The following MAP4K3 variants were observed in gnomAD, a reference collection of about 807,000 sequenced individuals.
MAP4K3 encodes mitogen-activated protein kinase kinase kinase kinase 3, also known as MAPK/ERK kinase kinase kinase 3.
In MAP4K3, 94 loss-of-function variants were observed where a neutral mutation model predicts 143.5. That is an observed-to-expected ratio of 0.65 (90% CI 0.55 to 0.78). MAP4K3 has a LOEUF of 0.78. Ranked by LOEUF, MAP4K3 falls within the 30% of genes least tolerant of loss-of-function variation. MAP4K3 has a pLI of 0.00. For missense variants in MAP4K3, 1,077 were observed against 1,068.1 expected, an observed-to-expected ratio of 1.01 and a Z score of -0.12; for synonymous variants, 416 against 347.2, an observed-to-expected ratio of 1.20 and a Z score of -2.20.
chr2:39,407,811 C>T (rs1486522141), intron 1 of MAP4K3, among the ~76,000 whole-genome samples: 5 of 152,082 alleles, frequency 3.3e-5, no homozygotes, highest in African/African-American at 1.2e-4. Flanking sequence ...CCTGGGCTCA[C>T]GTGACCCTCC....
chr2:39,398,941 G>C (rs1666883000), intron 1 of MAP4K3, among the ~76,000 whole-genome samples: 1 of 151,148 alleles, frequency 6.6e-6, no homozygotes, highest in East Asian at 1.9e-4. Flanking sequence ...CTACTCGGGA[G>C]GCTGAGGCAG....
intron 1 of MAP4K3, among the ~76,000 whole-genome samples, chr2:39,397,549 G>T (rs1406287054): frequency 6.6e-6 from 1 of 152,088 alleles, no homozygotes; most frequent in Admixed American, 6.5e-5. Flanking sequence ...CTCTTCTTAA[G>T]ATATTAAAAT....
chr2:39,349,758 G>A (rs1665397585), intron 3 of MAP4K3, among the ~76,000 whole-genome samples: 1 of 149,744 alleles, frequency 6.7e-6, no homozygotes, highest in Admixed American at 6.7e-5. Context: ...GTTGAGAGGG[G>A]GAGGAGATGG....
At chr2:39,262,519 C>T (rs893938298) in intron 28 of MAP4K3, among the ~76,000 whole-genome samples, 2 of 151,978 alleles carry the variant, frequency 1.3e-5, no homozygotes, top group Non-Finnish European at 2.9e-5. Flanking sequence ...TGATTAAAGA[C>T]GCATCTTTAA....
intron 28 of MAP4K3, among the ~76,000 whole-genome samples, chr2:39,262,847 G>A (rs145233643): frequency 6.6e-6 from 1 of 152,250 alleles, no homozygotes; most frequent in African/African-American, 2.4e-5. Flanking sequence ...GCTCAAACCT[G>A]TAATCCCAGC....
intron 2 of MAP4K3, among the ~76,000 whole-genome samples, chr2:39,373,332 T>C (rs1029658801): frequency 1.3e-5 from 2 of 152,176 alleles, no homozygotes; most frequent in Non-Finnish European, 2.9e-5. Context: ...TCCTACACTG[T>C]CAGTAGGAAT....
chr2:39,251,708 G>A, intron 33 of MAP4K3, 122 bp downstream of exon 33: 2 of 774,478 alleles, frequency 2.6e-6, no homozygotes, highest in Non-Finnish European at 4.2e-6. Context: ...TTCTTATAGT[G>A]TGAAAAATTC....
chr2:39,320,874 A>G (rs1420007059), intron 12 of MAP4K3, among the ~76,000 whole-genome samples: 1 of 152,174 alleles, frequency 6.6e-6, no homozygotes, highest in African/African-American at 2.4e-5. Flanking sequence ...TTGTGGAAAC[A>G]TAATTCATAA....
chr2:39,406,603 T>G (rs1221168127), intron 1 of MAP4K3, among the ~76,000 whole-genome samples: 1 of 152,212 alleles, frequency 6.6e-6, no homozygotes, highest in Non-Finnish European at 1.5e-5. Flanking sequence ...AAAGAACTTT[T>G]GCCCTAGAAT....
intron 2 of MAP4K3, among the ~76,000 whole-genome samples, chr2:39,367,709 G>T (rs1665964156): frequency 6.6e-6 from 1 of 152,176 alleles, no homozygotes; most frequent in Non-Finnish European, 1.5e-5. Flanking sequence ...AACATAGTGA[G>T]ACCTCAACTT....
At chr2:39,422,067 A>ATT (rs960800512) in intron 1 of MAP4K3, among the ~76,000 whole-genome samples, 13 of 151,380 alleles carry the variant, frequency 8.6e-5, no homozygotes, top group South Asian at 2.1e-4. Context: ...GAGGGATTAC[A>ATT]TTCTGTTCAT....
At chr2:39,298,131 A>G (rs1228275691) in intron 16 of MAP4K3, among the ~76,000 whole-genome samples, 1 of 152,186 alleles carries the variant, frequency 6.6e-6, no homozygotes, top group Admixed American at 6.5e-5. Flanking sequence ...AAGGACCTTA[A>G]AATTAGGGAC....
intron 3 of MAP4K3, among the ~76,000 whole-genome samples, chr2:39,352,784 T>A (rs1665496654): frequency 6.6e-6 from 1 of 152,162 alleles, no homozygotes; most frequent in Non-Finnish European, 1.5e-5. Flanking sequence ...ATGCTAGTCA[T>A]CTACTAAGAA....
intron 31 of MAP4K3, among the ~76,000 whole-genome samples, chr2:39,257,593 G>A (rs1395029032): frequency 6.6e-6 from 1 of 152,010 alleles, no homozygotes; most frequent in Non-Finnish European, 1.5e-5. Context: ...GAGGTCAAGA[G>A]TTCGAGACCA....
At chr2:39,342,957 A>C (rs1665183941) in intron 4 of MAP4K3, among the ~76,000 whole-genome samples, 1 of 152,200 alleles carries the variant, frequency 6.6e-6, no homozygotes, top group Non-Finnish European at 1.5e-5. Flanking sequence ...TGTTTTAATC[A>C]TTTTTGAATC....
At chr2:39,310,952 T>A (rs991547373) in intron 13 of MAP4K3, among the ~76,000 whole-genome samples, 4 of 152,198 alleles carry the variant, frequency 2.6e-5, no homozygotes, top group Admixed American at 2.0e-4. Flanking sequence ...CCGCTAAAGC[T>A]TAATTTGTTA....
intron 33 of MAP4K3, among the ~76,000 whole-genome samples, chr2:39,251,151 C>G (rs536147245): frequency 6.6e-6 from 1 of 152,228 alleles, no homozygotes; most frequent in African/African-American, 2.4e-5. Context: ...TTGTAGTGGC[C>G]GTGTGCCCTG....
intron 4 of MAP4K3, among the ~76,000 whole-genome samples, chr2:39,340,810 T>C (rs1260942803): frequency 6.6e-6 from 1 of 152,044 alleles, no homozygotes; most frequent in Non-Finnish European, 1.5e-5. Context: ...AAATATATGG[T>C]AACCAAAAAT....
intron 1 of MAP4K3, among the ~76,000 whole-genome samples, chr2:39,380,252 C>G (rs1301637547): frequency 6.6e-6 from 1 of 152,012 alleles, no homozygotes; most frequent in Non-Finnish European, 1.5e-5. Flanking sequence ...ATTGAAAGTC[C>G]TTAAGAAACT....
Sources: gnomAD v4.1 joint callset for allele counts (sites outside exome capture counted in the v4.1 genomes callset) on GRCh38, gnomAD v4.1.1 for gene constraint, MANE v1.5 for transcripts, NCBI Gene and HGNC (gene_info 2026-07-23, HGNC 2026-07-21) for gene names.